The following CUX2 variants were observed in gnomAD, a reference collection of about 807,000 sequenced individuals.
CUX2 encodes the protein homeobox protein cut-like 2.
A neutral mutation model predicts 144.8 loss-of-function variants in CUX2; 40 were observed. The ratio of observed to expected loss-of-function variants is 0.28; its 90% CI spans 0.21 to 0.36. The LOEUF is 0.36. Ranked by LOEUF, CUX2 falls within the 10% of genes least tolerant of loss-of-function variation. CUX2 has a pLI of 1.00. For synonymous variants in CUX2, 827 were observed against 875.6 expected (o/e 0.94, Z 0.98); for missense variants, 1,615 against 1,994.0 (o/e 0.81, Z 3.62).
intron 1 of CUX2, among the ~76,000 whole-genome samples, chr12:111,095,970 C>G (rs148281347): frequency 3.0e-4 from 46 of 152,334 alleles, no homozygotes; most frequent in Non-Finnish European, 5.3e-4. Flanking sequence ...GAGCAGTGAG[C>G]TGGCCCTGGA....
chr12:111,152,175 C>T (rs2136137789), intron 1 of CUX2, among the ~76,000 whole-genome samples: 1 of 152,114 alleles, frequency 6.6e-6, no homozygotes, highest in Admixed American at 6.5e-5. Context: ...TTCCAGCTAC[C>T]TCAGGAGGCT....
At position 111,347,204 on chromosome 12, in the gene CUX2, T is replaced by C. The variant is rs540523341; in HGVS notation, c.3660-320T>C. Among the ~76,000 whole-genome samples the C allele has an allele frequency of 8.1e-4, 124 of 152,264 alleles. 1 individual carries two copies. The highest frequency in any genetic ancestry group is 2.8e-3 in the African/African-American group (117 of 41,566). The stretch of plus-strand genomic sequence containing the variant: ...CCATGTATGGCCAGTAACTGCTGTG[T>C]TGGCCAGCACAGGTCTAGATCATGA... On this transcript the variant is annotated intron_variant, in intron 21 of 21. Coordinates refer to ENST00000261726, the MANE Select transcript of CUX2 (RefSeq NM_015267.4).
At chr12:111,182,915 G>A (rs540717802) in intron 1 of CUX2, among the ~76,000 whole-genome samples, 5 of 152,268 alleles carry the variant, frequency 3.3e-5, no homozygotes, top group South Asian at 4.1e-4. Context: ...TTCAATAATC[G>A]GAATAGCACC....
intron 1 of CUX2, among the ~76,000 whole-genome samples, chr12:111,100,764 T>C (rs914719675): frequency 6.6e-6 from 1 of 152,212 alleles, no homozygotes; most frequent in Non-Finnish European, 1.5e-5. Flanking sequence ...GTGTGAGCAG[T>C]GCTCATGTGC....
intron 20 of CUX2, among the ~76,000 whole-genome samples, chr12:111,341,105 G>A (rs776275156): frequency 1.9e-4 from 29 of 151,990 alleles, no homozygotes; most frequent in Admixed American, 9.2e-4. Context: ...ATTTCTTTAC[G>A]GCACCAGGGA....
At chr12:111,309,682 C>T (rs1434192817) in intron 14 of CUX2, among the ~76,000 whole-genome samples, 3 of 150,230 alleles carry the variant, frequency 2.0e-5, no homozygotes, top group South Asian at 4.3e-4. Flanking sequence ...TCTTCCCCCC[C>T]GACCCTCTCC....
intron 1 of CUX2, among the ~76,000 whole-genome samples, chr12:111,126,160 G>GT (rs1361470213): frequency 1.3e-5 from 2 of 151,330 alleles, no homozygotes; most frequent in Non-Finnish European, 2.9e-5. Context: ...CCAGGCTGGA[G>GT]TGCGGGGACA....
intron 1 of CUX2, among the ~76,000 whole-genome samples, chr12:111,141,462 G>T (rs1876310621): frequency 1.3e-5 from 2 of 152,124 alleles, no homozygotes; most frequent in Non-Finnish European, 2.9e-5. Context: ...GACATTTATT[G>T]AGCACCTACT....
At chr12:111,151,093 A>T (rs1877024601) in intron 1 of CUX2, among the ~76,000 whole-genome samples, 1 of 152,248 alleles carries the variant, frequency 6.6e-6, no homozygotes, top group African/African-American at 2.4e-5. Context: ...ATGAAGAACT[A>T]TAGCAGTCAT....
At chr12:111,341,749 C>G in intron 20 of CUX2, 31 bp from the exon 21 acceptor site, 1 of 1,546,330 alleles carries the variant, frequency 6.5e-7, no homozygotes, top group Non-Finnish European at 8.7e-7. Flanking sequence ...GGGACACCAC[C>G]TCTCAGCCCT....
intron 4 of CUX2, among the ~76,000 whole-genome samples, chr12:111,276,433 A>G (rs551168012): frequency 2.1e-4 from 32 of 152,324 alleles, no homozygotes; most frequent in African/African-American, 7.7e-4. Context: ...ATATGGACAC[A>G]GCAGAAGTTA....
chr12:111,060,740 C>T (rs1305887863), intron 1 of CUX2, among the ~76,000 whole-genome samples: 3 of 152,296 alleles, frequency 2.0e-5, no homozygotes, highest in African/African-American at 7.2e-5. Context: ...GCCTGTAGCT[C>T]TGGAAGGTTC....
chr12:111,278,356 G>T (rs1884976460), intron 4 of CUX2, among the ~76,000 whole-genome samples: 1 of 152,218 alleles, frequency 6.6e-6, no homozygotes, highest in Admixed American at 6.5e-5. Context: ...AGGAAGTCGA[G>T]GCTGCAGTGA....
rs1397926145 is a variant in CUX2, at chr12:111,035,851, G to A, written c.63+1611G>A. ...AATTCCGGGTCCGCACTCGAGTTGG[G>A]GCTACAGTTTGGTGGCCAACTGAGA... is the stretch of plus-strand genomic sequence containing the variant. On this transcript the variant is annotated intron_variant, in intron 1 of 21. Transcript: ENST00000261726. This position sits in a 1 kb window ranked among gnomAD's most constrained non-coding sequence, Gnocchi z 6.0. Among the ~76,000 whole-genome samples, 2 of 152,088 alleles carry A rather than the reference G, an allele frequency of 1.3e-5. No homozygotes were observed. The highest frequency in any genetic ancestry group is 4.8e-5 in the African/African-American group (2 of 41,422).
intron 20 of CUX2, among the ~76,000 whole-genome samples, chr12:111,341,092 G>A (rs937931489): frequency 2.0e-5 from 3 of 152,140 alleles, no homozygotes; most frequent in Non-Finnish European, 4.4e-5. Context: ...ATATTCAAGT[G>A]CTATTTCTTT....
chr12:111,188,896 G>A (rs371011894), intron 1 of CUX2, among the ~76,000 whole-genome samples: 166 of 152,316 alleles, frequency 1.1e-3, no homozygotes, highest in African/African-American at 3.5e-3. Flanking sequence ...CTTTGTGGCC[G>A]TAGAGACAGC....
Position 111,162,994 on chromosome 12 carries a change from C to T in CUX2, c.64-51206C>T, listed in dbSNP as rs11065823. On this transcript the variant is annotated intron_variant, in intron 1 of 21. Coordinates refer to ENST00000261726, the MANE Select transcript of CUX2 (RefSeq NM_015267.4). ...CTGGGAGGCCGAGTTTGCAGTGAGC[C>T]GAGATCCTACCACTGCACTCCAGCC... 6.6e-3 allele frequency among the ~76,000 whole-genome samples: 992 copies of T among 150,496 alleles called. 11 individuals are homozygous for T. The highest frequency in any genetic ancestry group is 0.023 in the African/African-American group (949 of 40,792).
rs532820429 is a variant in CUX2 at position 111,182,629 on chromosome 12, C to G, written c.64-31571C>G. ...AGAAGCTGGCTCCGCTTGGAATTGG[C>G]AACTGCTGGCTAATTTTAGAACAGT... On this transcript the variant is annotated intron_variant, in intron 1 of 21. Transcript: ENST00000261726. 2.0e-5 allele frequency among the ~76,000 whole-genome samples: 3 copies of G among 152,318 alleles called. No individual in the cohort carries two copies. In the East Asian group the frequency reaches 5.8e-4, roughly 29 times the overall value.
At chr12:111,343,097 G>A (rs1231383735) in intron 21 of CUX2, among the ~76,000 whole-genome samples, 1 of 151,884 alleles carries the variant, frequency 6.6e-6, no homozygotes, top group African/African-American at 2.4e-5. Flanking sequence ...GTATTTGGGG[G>A]TACAGGCCTG....
Sources: allele counts gnomAD v4.1 joint callset (sites outside exome capture counted in the v4.1 genomes callset), GRCh38; gene constraint gnomAD v4.1.1; non-coding constraint Gnocchi (gnomAD v3.1); transcripts MANE v1.5; gene names NCBI Gene and HGNC (gene_info 2026-07-23, HGNC 2026-07-21).